LEP: variants seen among roughly 807,000 people sequenced by gnomAD.
The protein encoded by LEP is leptin (murine obesity homolog).
A neutral mutation model predicts 9.8 loss-of-function variants in LEP; 6 were observed. The observed-to-expected ratio is 0.61, with a 90% CI of 0.34 to 1.21. The LOEUF (loss-of-function observed/expected upper bound fraction) is 1.21, where lower values mean the gene tolerates loss of function less well. Among genes scored for constraint, LEP ranks in the 50% most tolerant of loss-of-function variants. The pLI, the probability that LEP is intolerant of heterozygous loss-of-function variation, is 0.04. For missense variants in LEP, 134 were observed against 198.1 expected (o/e 0.68, Z 1.94); for synonymous variants, 112 against 81.7 (o/e 1.37, Z -2.00).
At chr7:128,246,637 AT>A (rs1053881626) in intron 1 of LEP, among the ~76,000 whole-genome samples, 125 of 90,632 alleles carry the variant, frequency 1.4e-3, no homozygotes, top group Non-Finnish European at 2.9e-3. Flanking sequence ...TTTTATTTTT[AT>A]TTTTTTTAGA....
intron 1 of LEP, among the ~76,000 whole-genome samples, chr7:128,246,093 A>AATAAAAAT (rs1667865678): frequency 6.6e-6 from 1 of 152,014 alleles, no homozygotes; most frequent in African/African-American, 2.4e-5. Flanking sequence ...AAAATAAAAA[A>AATAAAAAT]ATAAAAAAAA....
At chr7:128,247,722 T>C (rs1795228025) in intron 1 of LEP, among the ~76,000 whole-genome samples, 1 of 152,210 alleles carries the variant, frequency 6.6e-6, no homozygotes, top group Non-Finnish European at 1.5e-5. Flanking sequence ...AGCTAAGGCA[T>C]TGGGGTTGGC....
intron 1 of LEP, among the ~76,000 whole-genome samples, chr7:128,249,957 G>A (rs532728166): frequency 6.6e-6 from 1 of 152,338 alleles, no homozygotes; most frequent in South Asian, 2.1e-4. Flanking sequence ...AGTGGTGATA[G>A]AGGGGGCTTG....
At chr7:128,246,352 A>G (rs1262563269) in intron 1 of LEP, among the ~76,000 whole-genome samples, 1 of 152,200 alleles carries the variant, frequency 6.6e-6, no homozygotes, top group East Asian at 1.9e-4. Context: ...GCTGGTGCAG[A>G]GGACCCAGGT....
At chr7:128,245,433 G>A (rs1337385509) in intron 1 of LEP, among the ~76,000 whole-genome samples, 1 of 152,194 alleles carries the variant, frequency 6.6e-6, no homozygotes, top group East Asian at 1.9e-4. Context: ...ACTAGATTCT[G>A]AGCAACTTGG....
At chr7:128,251,112 C>T (rs1211321237) in intron 1 of LEP, among the ~76,000 whole-genome samples, 1 of 152,192 alleles carries the variant, frequency 6.6e-6, no homozygotes, top group African/African-American at 2.4e-5. Context: ...ATATTTAGTC[C>T]AATCCCCAGC....
In LEP at chr7:128,254,252, G is replaced by A. The variant is rs3828942; in HGVS notation, c.145-152G>A. 0.44 allele frequency: 399,094 copies of A among 909,420 alleles called. 93,545 individuals carry two copies. The highest frequency in any genetic ancestry group is 0.76 in the East Asian group (31,502 of 41,584). 56.3% of individuals were successfully genotyped at this position (909,420 alleles called of 1,614,324 possible). On this transcript the variant is annotated intron_variant, in intron 2 of 2. Coordinates refer to ENST00000308868, the MANE Select transcript of LEP (RefSeq NM_000230.3). ...TTAGAGGCTTGGCAGTCACCTGGGT[G>A]CAGGATACAAGGGCCTGAGCCAAAG... is the stretch of plus-strand genomic sequence containing the variant.
intron 1 of LEP, among the ~76,000 whole-genome samples, chr7:128,243,772 T>C (rs1795178818): frequency 6.6e-6 from 1 of 152,186 alleles, no homozygotes; most frequent in South Asian, 2.1e-4. Context: ...AGATCGAGAA[T>C]GGGAAATCTT....
Position 128,248,260 on chromosome 7 carries a change from A to C in LEP, c.-28-3731A>C, listed in dbSNP as rs561644263. ...AGCCTGGCCAACATGGTGAAATCCTATCTCTATTAAAAATACAAAAAATTA... is the reference window on the plus strand; with the variant it reads ...AGCCTGGCCAACATGGTGAAATCCTCTCTCTATTAAAAATACAAAAAATTA... On this transcript the variant is annotated intron_variant, in intron 1 of 2. Coordinates refer to ENST00000308868, the MANE Select transcript of LEP (RefSeq NM_000230.3). Among the ~76,000 whole-genome samples, 8 of 152,224 alleles carry C rather than the reference A, an allele frequency of 5.3e-5. No homozygotes were observed. In the East Asian group the frequency reaches 1.2e-3, roughly 22 times the overall value.
chr7:128,253,847 CG>C (rs34046133), intron 2 of LEP, among the ~76,000 whole-genome samples: 1 of 152,206 alleles, frequency 6.6e-6, no homozygotes, highest in Non-Finnish European at 1.5e-5. Flanking sequence ...ACGGGAGCCC[CG>C]GGTAGTAACC....
chr7:128,250,235 G>A (rs1562931410), intron 1 of LEP, among the ~76,000 whole-genome samples: 1 of 152,066 alleles, frequency 6.6e-6, no homozygotes, highest in South Asian at 2.1e-4. Context: ...ACAAACATTT[G>A]GTGTATTATT....
intron 2 of LEP, among the ~76,000 whole-genome samples, chr7:128,253,112 A>G (rs1191572952): frequency 1.3e-5 from 2 of 152,092 alleles, no homozygotes; most frequent in African/African-American, 4.8e-5. Flanking sequence ...GCCTACGACC[A>G]GAGGGAGCTG....
intron 1 of LEP, among the ~76,000 whole-genome samples, chr7:128,242,576 C>T (rs1184835037): frequency 6.6e-6 from 1 of 152,192 alleles, no homozygotes; most frequent in Non-Finnish European, 1.5e-5. Context: ...AGGTTCTTTC[C>T]CTTCCCAAGC....
At chr7:128,252,757 T>C (rs1259372112) in intron 2 of LEP, among the ~76,000 whole-genome samples, 1 of 150,776 alleles carries the variant, frequency 6.6e-6, no homozygotes, top group Non-Finnish European at 1.5e-5. Context: ...TAAATAAAAG[T>C]CATAGGATTT....
rs1218599540 is a variant in LEP at position 128,243,515 on chromosome 7, AAGAT to A, written c.-29+2210_-29+2213del. On this transcript the variant is annotated intron_variant, in intron 1 of 2. Coordinates refer to ENST00000308868, the MANE Select transcript of LEP (RefSeq NM_000230.3). ...GCGGGAGTATCCAGGGACGGCAGTC[AAGAT>A]GGAGCACAGCTTAGGAAGCTGAAGG... Among the ~76,000 whole-genome samples the A allele has an allele frequency of 5.9e-5, 9 of 152,170 alleles. No individual in the cohort carries two copies. The South Asian group carries it at 1.9e-3, about 31-fold the overall frequency.
intron 1 of LEP, among the ~76,000 whole-genome samples, chr7:128,246,701 G>T (rs1057092422): frequency 6.6e-6 from 1 of 151,776 alleles, no homozygotes; most frequent in African/African-American, 2.4e-5. Context: ...GGGCTCAAGC[G>T]ATCCTCCTGC....
intron 1 of LEP, among the ~76,000 whole-genome samples, chr7:128,241,814 G>A (rs1795154677): frequency 6.6e-6 from 1 of 152,228 alleles, no homozygotes; most frequent in African/African-American, 2.4e-5. Flanking sequence ...TAAGGCCAAT[G>A]CCTGGGAGGA....
At chr7:128,254,223 C>A (rs865862687) in intron 2 of LEP, among the ~76,000 whole-genome samples, 181 bp from the exon 3 acceptor site, 9 of 152,108 alleles carry the variant, frequency 5.9e-5, no homozygotes, top group East Asian at 3.9e-4. Context: ...TCTCGGAGAC[C>A]AGCTTAGAGG....
At chr7:128,253,963 G>A (rs1484632531) in intron 2 of LEP, among the ~76,000 whole-genome samples, 1 of 151,986 alleles carries the variant, frequency 6.6e-6, no homozygotes, top group Admixed American at 6.6e-5. Flanking sequence ...GTACGGCCTT[G>A]ATCTCTAAGG....
Sources: gnomAD v4.1 joint callset for allele counts (sites outside exome capture counted in the v4.1 genomes callset) on GRCh38, gnomAD v4.1.1 for gene constraint, MANE v1.5 for transcripts, NCBI Gene and HGNC (gene_info 2026-07-23, HGNC 2026-07-21) for gene names.